The following MCPH1 variants were observed in gnomAD, a reference collection of about 807,000 sequenced individuals.
MCPH1 encodes microcephalin.
A neutral mutation model predicts 84.5 loss-of-function variants in MCPH1; 104 were observed. The observed-to-expected ratio is 1.23, with a 90% confidence interval of 1.05 to 1.45. The LOEUF is 1.45. Ranked by LOEUF, MCPH1 falls within the 40% of genes most tolerant of loss-of-function variation. The probability of loss-of-function intolerance (pLI) is 0.00; values close to 1 mark genes in which losing one functional copy is unlikely to be tolerated. For missense variants in MCPH1, 1,498 were observed against 1,005.7 expected, an observed-to-expected ratio of 1.49 and a Z score of -6.62; for synonymous variants, 514 against 366.8, an observed-to-expected ratio of 1.40 and a Z score of -4.58.
chr8:6,524,502 G>A (rs756674670), intron 12 of MCPH1, among the ~76,000 whole-genome samples: 19 of 152,170 alleles, frequency 1.2e-4, no homozygotes, highest in African/African-American at 3.6e-4. Context: ...CCTAGGAACC[G>A]AAAGCATGTG....
At chr8:6,603,884 T>C (rs535173431) in intron 12 of MCPH1, among the ~76,000 whole-genome samples, 1 of 152,346 alleles carries the variant, frequency 6.6e-6, no homozygotes, top group East Asian at 1.9e-4. Flanking sequence ...AAGAAATAAA[T>C]GTGCTTTTTA....
intron 12 of MCPH1, among the ~76,000 whole-genome samples, chr8:6,600,452 T>A (rs1008509740): frequency 2.0e-5 from 3 of 152,200 alleles, no homozygotes; most frequent in Non-Finnish European, 4.4e-5. Flanking sequence ...TTCAGATACA[T>A]TTACCATTGC....
chr8:6,613,590 G>C (rs1333796954), intron 12 of MCPH1, among the ~76,000 whole-genome samples: 2 of 152,012 alleles, frequency 1.3e-5, no homozygotes, highest in East Asian at 3.9e-4. Context: ...AAGGGATTCT[G>C]CAGTTCCCCG....
In MCPH1 at chr8:6,414,778, T is replaced by C. The variant is rs587783733; in HGVS notation, c.128T>C (p.Phe43Ser). The C allele has an allele frequency of 1.5e-5, 25 of 1,613,822 alleles. No individual in the cohort carries two copies. The highest frequency in any genetic ancestry group is 2.1e-5 in the Non-Finnish European group (25 of 1,179,832). Residue 43 changes from phenylalanine to serine, a missense_variant, in exon 3 of 14, where the codon TTT (phenylalanine) becomes TCT (serine). By Grantham distance (155) the Phe-to-Ser change is radical. Coordinates refer to ENST00000344683, the MANE Select transcript of MCPH1 (RefSeq NM_024596.5). The stretch of plus-strand genomic sequence containing the variant: ...TTTTGTCTACAGGTTTCAAAAACTT[T>C]TAACAAACAAGTAACTCACGTTATC... Reference protein sequence around the residue: ...VDMGAKVSKTFNKQVTHVIFK... With the variant: ...VDMGAKVSKTSNKQVTHVIFK...
chr8:6,574,132 A>G (rs1346972298), intron 12 of MCPH1, among the ~76,000 whole-genome samples: 1 of 152,236 alleles, frequency 6.6e-6, no homozygotes, highest in South Asian at 2.1e-4. Context: ...AAAAACATCT[A>G]TCCCTGCTGT....
rs748053133 is a variant in MCPH1, at chr8:6,644,620, G to A, written c.*1571G>A. ...CACGGAATGAAATACCTAGGAACAC[G>A]TATAACCAAGGAGGCAAAGGATCTC... On this transcript the variant is annotated 3_prime_UTR_variant, in exon 14 of 14. Transcript: ENST00000344683. The A allele has an allele frequency of 4.6e-5, 7 of 152,142 alleles. No homozygotes were observed. The highest frequency in any genetic ancestry group is 7.2e-5 in the African/African-American group (3 of 41,418). 9.4% of individuals were successfully genotyped at this position (152,142 alleles called of 1,614,324 possible). A position where few individuals can be genotyped will look rare whatever the true frequency, so the allele number is the denominator to read the frequency against.
intron 12 of MCPH1, among the ~76,000 whole-genome samples, chr8:6,590,348 G>T (rs1478962562): frequency 6.6e-6 from 1 of 152,170 alleles, no homozygotes; most frequent in East Asian, 1.9e-4. Context: ...TGCATGAAGT[G>T]AATGGAAACA....
At chr8:6,450,070 T>A (rs914650108) in intron 8 of MCPH1, among the ~76,000 whole-genome samples, 1 of 152,182 alleles carries the variant, frequency 6.6e-6, no homozygotes, top group Non-Finnish European at 1.5e-5. Flanking sequence ...GTGATGGATT[T>A]TTACATGTCA....
intron 12 of MCPH1, chr8:6,527,557 G>A: frequency 1.2e-6 from 2 of 1,613,520 alleles, no homozygotes; most frequent in Non-Finnish European, 1.7e-6. Context: ...GTTATTACCT[G>A]TTCTTATCTT....
intron 12 of MCPH1, among the ~76,000 whole-genome samples, chr8:6,563,656 A>G (rs147159380): frequency 1.0e-3 from 155 of 152,352 alleles, no homozygotes; most frequent in African/African-American, 3.5e-3. Flanking sequence ...ACTTCGGTTT[A>G]TTTTTGTTAT....
chr8:6,633,514 T>C (rs2911974), intron 13 of MCPH1, among the ~76,000 whole-genome samples: 72,778 of 152,054 alleles, frequency 0.48, 18,171 homozygotes, highest in African/African-American at 0.61. Context: ...TGAGTGCCAA[T>C]CTGTCAACAC....
intron 12 of MCPH1, among the ~76,000 whole-genome samples, chr8:6,538,699 A>C (rs1441369778): frequency 6.6e-6 from 1 of 152,204 alleles, no homozygotes; most frequent in Non-Finnish European, 1.5e-5. Context: ...TTTGATATCA[A>C]AACCATTTTG....
At chr8:6,446,589 G>C in intron 8 of MCPH1, 1 of 980,686 alleles carries the variant, frequency 1.0e-6, no homozygotes, top group Non-Finnish European at 1.2e-6. Context: ...ATTAGCCTTA[G>C]TATGTGTTTT....
intron 12 of MCPH1, among the ~76,000 whole-genome samples, chr8:6,505,141 T>C (rs993130678): frequency 8.4e-6 from 1 of 119,108 alleles, no homozygotes; most frequent in Admixed American, 9.9e-5. Flanking sequence ...TTACCCGTAA[T>C]GCATTATTTC....
At chr8:6,637,381 T>TG (rs1206559285) in intron 13 of MCPH1, among the ~76,000 whole-genome samples, 1 of 152,170 alleles carries the variant, frequency 6.6e-6, no homozygotes, top group Non-Finnish European at 1.5e-5. Context: ...GATGGACTCT[T>TG]GTAGGTCTAT....
chr8:6,644,554 G>A lies in MCPH1; in HGVS notation c.*1505G>A, dbSNP rs997276987. 1.3e-5 allele frequency: 2 copies of A among 152,170 alleles called. No individual in the cohort carries two copies. Among genetic ancestry groups the A allele is most frequent in the Admixed American group, 1.3e-4 (2 of 15,272 alleles). 9.4% of individuals were successfully genotyped at this position (152,170 alleles called of 1,614,324 possible). On this transcript the variant is annotated 3_prime_UTR_variant, in exon 14 of 14. Coordinates refer to ENST00000344683, the MANE Select transcript of MCPH1 (RefSeq NM_024596.5). The stretch of plus-strand genomic sequence containing the variant: ...CATTTCCAAACACAGTAACATTCAA[G>A]CTGAGCACCAAATCAAGAACGCAAT...
chr8:6,640,379 C>T (rs1003223029), intron 13 of MCPH1, among the ~76,000 whole-genome samples: 5 of 152,066 alleles, frequency 3.3e-5, no homozygotes, highest in African/African-American at 1.2e-4. Context: ...CTGGACATAA[C>T]CCATATTTTC....
chr8:6,434,521 A>G (rs2129554388), intron 4 of MCPH1, among the ~76,000 whole-genome samples: 1 of 152,296 alleles, frequency 6.6e-6, no homozygotes, highest in South Asian at 2.1e-4. Flanking sequence ...CTCCCAAGAC[A>G]CATACAATTT....
intron 12 of MCPH1, among the ~76,000 whole-genome samples, chr8:6,589,755 A>G (rs1297226953): frequency 6.6e-6 from 1 of 152,216 alleles, no homozygotes; most frequent in African/African-American, 2.4e-5. Context: ...CAAATACATT[A>G]TGTGTAAATT....
Sources: allele counts gnomAD v4.1 joint callset (sites outside exome capture counted in the v4.1 genomes callset), GRCh38; gene constraint gnomAD v4.1.1; transcripts MANE v1.5; gene names NCBI Gene and HGNC (gene_info 2026-07-23, HGNC 2026-07-21).